The following DNAH17 variants were observed in gnomAD, a reference collection of about 807,000 sequenced individuals.
DNAH17 encodes dynein axonemal heavy chain 17.
Under a neutral mutation model 485.6 loss-of-function variants are expected in DNAH17, and 376 were observed. That is an observed-to-expected ratio of 0.77 (90% confidence interval 0.71 to 0.84). The LOEUF (loss-of-function observed/expected upper bound fraction) is 0.84, where lower values mean the gene tolerates loss of function less well. DNAH17 is among the 40% of genes least tolerant of loss of function. The probability of loss-of-function intolerance (pLI) is 0.00; values close to 1 mark genes in which losing one functional copy is unlikely to be tolerated. For missense variants in DNAH17, 6,370 were observed against 5,839.3 expected (o/e 1.09, Z -2.96); for synonymous variants, 3,031 against 2,405.9 (o/e 1.26, Z -7.60).
Position 78,514,825 on chromosome 17 carries a change from C to G in DNAH17, c.4062G>C (p.Gln1354His), listed in dbSNP as rs1022961094. 4.5e-5 allele frequency: 72 copies of G among 1,613,942 alleles called. No individual in the cohort carries two copies. The highest frequency in any genetic ancestry group is 6.0e-5 in the Non-Finnish European group (71 of 1,179,912). Reference protein sequence around the residue: ...ITSLRAVSELQNPAIRERHWQ... With the variant: ...ITSLRAVSELHNPAIRERHWQ... ...AGTGGCGTTCCCGAATGGCAGGGTT[C>G]TGCAGCTCGCTCACGGCACGCAGGG... Residue 1354 changes from glutamine to histidine, a missense_variant, in exon 26 of 81, where the codon CAG becomes CAC. By Grantham distance (24) the Gln-to-His change is conservative. Transcript: ENST00000389840.
rs2091081933 is a variant in DNAH17, at chr17:78,526,610, T to C, written c.3711+41A>G. ...ACTTGAGAAAAGAAAGCAGTGGGGT[T>C]CCCAGACTTACCCCCTGATCTCACC... On this transcript the variant is annotated intron_variant, in intron 24 of 80. Coordinates refer to ENST00000389840, the MANE Select transcript of DNAH17 (RefSeq NM_173628.4). 4.0e-6 allele frequency: 6 copies of C among 1,506,138 alleles called. No homozygotes were observed. The South Asian group carries it at 7.4e-5, about 19-fold the overall frequency. The allele number at this position is 1,506,138 out of a possible 1,614,324, so 93.3% of individuals were successfully genotyped here.
intron 42 of DNAH17, 30 bp from the exon 43 acceptor site, chr17:78,491,600 C>T (rs1443661513): frequency 6.2e-6 from 10 of 1,607,836 alleles, no homozygotes; most frequent in Non-Finnish European, 8.5e-6. Flanking sequence ...TGACCCCGGG[C>T]CCTTCACTCC....
At chr17:78,557,277 TTAA>T (rs1277332429) in intron 14 of DNAH17, among the ~76,000 whole-genome samples, 1 of 152,154 alleles carries the variant, frequency 6.6e-6, no homozygotes, top group Non-Finnish European at 1.5e-5. Flanking sequence ...TTGAATGACT[TTAA>T]TATTATCCAA....
intron 55 of DNAH17, 33 bp from the exon 56 acceptor site, chr17:78,466,849 T>G (rs780851961): frequency 3.9e-6 from 6 of 1,526,166 alleles, no homozygotes; most frequent in Non-Finnish European, 5.3e-6. Context: ...CGCTGCCTAC[T>G]GGGACTGCAG....
At chr17:78,530,310 T>C (rs762433697) in intron 21 of DNAH17, 33 bp downstream of exon 21, 2 of 1,575,926 alleles carry the variant, frequency 1.3e-6, no homozygotes, top group Non-Finnish European at 1.7e-6. Flanking sequence ...TGCACATTCC[T>C]TGGGCTCCCC....
At position 78,530,449 on chromosome 17, in the gene DNAH17, C is replaced by T. The variant is rs749768590; in HGVS notation, c.3178G>A (p.Gly1060Ser). The change falls in exon 21 of 81, where the codon GGC (glycine) becomes AGC (serine). Residue 1060 changes from glycine (G) to serine (S), a missense_variant. Coordinates refer to ENST00000389840, the MANE Select transcript of DNAH17 (RefSeq NM_173628.4). Reference protein sequence around the residue: ...SKCENTKVFHGWLQCDCRPFK... With the variant: ...SKCENTKVFHSWLQCDCRPFK... The stretch of plus-strand genomic sequence containing the variant: ...GGGCGGCAGTCGCACTGCAGCCAGC[C>T]GTGGAACACCTTGGTGTTCTCGCAC... 157 of 1,613,526 alleles carry T rather than the reference C, an allele frequency of 9.7e-5. No individual in the cohort carries two copies. Among genetic ancestry groups the T allele is most frequent in the Non-Finnish European group, 1.2e-4 (143 of 1,179,754 alleles).
chr17:78,484,831 GGGCCACGCCTTCCCCTCC>G lies in DNAH17; in HGVS notation c.7649+19_7649+36del. 1 of 1,361,630 alleles carries G rather than the reference GGGCCACGCCTTCCCCTCC, an allele frequency of 7.3e-7. No homozygotes were observed. The highest frequency in any genetic ancestry group is 9.7e-7 in the Non-Finnish European group (1 of 1,033,586). The allele number at this position is 1,361,630 out of a possible 1,614,324, so 84.3% of individuals were successfully genotyped here. A position where few individuals can be genotyped will look rare whatever the true frequency, so the allele number is the denominator to read the frequency against. ...CCCTGGCCCCGCCCTCACCGCCCCG[GGGCCACGCCTTCCCCTCC>G]GGCCCCGCCCCGTCTAACCAGTGCC... On this transcript the variant is annotated intron_variant, in intron 48 of 80. Coordinates refer to ENST00000389840, the MANE Select transcript of DNAH17 (RefSeq NM_173628.4).
At chr17:78,510,716 A>G (rs2090611436) in intron 26 of DNAH17, 1 of 611,732 alleles carries the variant, frequency 1.6e-6, no homozygotes, top group Non-Finnish European at 2.8e-6. Context: ...AAAACCGCAT[A>G]AGAGCAGAAC....
chr17:78,514,092 C>T (rs557228869), intron 26 of DNAH17, among the ~76,000 whole-genome samples: 7 of 152,144 alleles, frequency 4.6e-5, no homozygotes, highest in Non-Finnish European at 7.3e-5. Flanking sequence ...AGGACCCTAG[C>T]GAAGCTGTTC....
At chr17:78,442,366 G>A (rs1208357464) in intron 71 of DNAH17, among the ~76,000 whole-genome samples, 1 of 152,234 alleles carries the variant, frequency 6.6e-6, no homozygotes, top group East Asian at 1.9e-4. Flanking sequence ...ACTGGCCTTT[G>A]CTGGCTTGTC....
chr17:78,536,282 A>ATG lies in DNAH17; in HGVS notation c.2859+1016_2859+1017insCA, dbSNP rs1435621199. On this transcript the variant is annotated intron_variant, in intron 19 of 80. Coordinates refer to ENST00000389840, the MANE Select transcript of DNAH17 (RefSeq NM_173628.4). The stretch of plus-strand genomic sequence containing the variant: ...GTGAAACCCCGTCTCTACTAAAAAT[A>ATG]TATAAAAAAAAAGAAAAATTAGCCA... Among the ~76,000 whole-genome samples, 55 of 149,678 alleles carry ATG rather than the reference A, an allele frequency of 3.7e-4. 1 individual carries two copies. Among genetic ancestry groups the ATG allele is most frequent in the African/African-American group, 1.4e-3 (54 of 39,292 alleles).
chr17:78,448,473 A>G (rs1295614701), intron 69 of DNAH17, among the ~76,000 whole-genome samples: 1 of 152,206 alleles, frequency 6.6e-6, no homozygotes, highest in Admixed American at 6.5e-5. Flanking sequence ...GCTACAGTGA[A>G]CTATGATTGC....
intron 49 of DNAH17, 64 bp downstream of exon 49, chr17:78,480,620 C>T (rs1002524343): frequency 7.1e-7 from 1 of 1,408,388 alleles, no homozygotes; most frequent in Non-Finnish European, 9.8e-7. Flanking sequence ...CTTTTCCTCT[C>T]ATTTGCCAGA....
In DNAH17 at chr17:78,475,682, G is replaced by A; in HGVS notation, c.8306C>T (p.Ala2769Val). 1 of 1,613,732 alleles carries A rather than the reference G, an allele frequency of 6.2e-7. No individual in the cohort carries two copies. Among genetic ancestry groups the A allele is most frequent in the South Asian group, 1.1e-5 (1 of 91,018 alleles). ...CAGCCTGCTCACCAAATTCATGACTGCATTAACTTCATTGTAGCTGTCCAG... is the reference window on the plus strand; with the variant it reads ...CAGCCTGCTCACCAAATTCATGACTACATTAACTTCATTGTAGCTGTCCAG... ...DVLDSYNEVN[A>V]VMNLVLFEDA... The change falls in exon 53 of 81, where the codon GCA (alanine) becomes GTA (valine). Residue 2769 changes from alanine (A) to valine (V), a missense_variant. By Grantham distance (64) the Ala-to-Val change is moderately conservative. Coordinates refer to ENST00000389840, the MANE Select transcript of DNAH17 (RefSeq NM_173628.4).
rs16971417 is a variant in DNAH17, at chr17:78,454,069, T to C, written c.10406+401A>G. ...CAAATGTTTTCATATCCACCCGCCA[T>C]TGGATTTTCCAGCACCGCTAGGAAG... On this transcript the variant is annotated intron_variant, in intron 64 of 80. Coordinates refer to ENST00000389840, the MANE Select transcript of DNAH17 (RefSeq NM_173628.4). Among the ~76,000 whole-genome samples the C allele has an allele frequency of 7.8e-3, 1,184 of 152,110 alleles. 16 individuals carry two copies. Among genetic ancestry groups the C allele is most frequent in the African/African-American group, 0.025 (1,046 of 41,482 alleles).
At chr17:78,466,357 A>C (rs1033488236) in intron 56 of DNAH17, among the ~76,000 whole-genome samples, 1 of 152,204 alleles carries the variant, frequency 6.6e-6, no homozygotes, top group African/African-American at 2.4e-5. Context: ...TCACTTGTTT[A>C]TCTGCTGACC....
chr17:78,506,608 G>T, intron 30 of DNAH17, 112 bp downstream of exon 30: 1 of 1,481,116 alleles, frequency 6.8e-7, no homozygotes, highest in East Asian at 2.3e-5. Flanking sequence ...TGGAGATGAT[G>T]GGGCACGTCC....
At chr17:78,570,876 A>AG in intron 6 of DNAH17, 72 bp downstream of exon 6, 2 of 803,162 alleles carry the variant, frequency 2.5e-6, no homozygotes, top group Non-Finnish European at 1.8e-6. Flanking sequence ...AAAAAAAAAA[A>AG]AAGAAAAAAG....
rs573064254 is a variant in DNAH17 at position 78,564,515 on chromosome 17, A to T, written c.1569+2099T>A. 3.9e-5 allele frequency among the ~76,000 whole-genome samples: 6 copies of T among 151,936 alleles called. No homozygotes were observed. In the East Asian group the frequency reaches 9.7e-4, roughly 24 times the overall value. ...CCCCATCTTTAATTTTGGAGACCCA[A>T]AAGTGAGGTTTCCAAATGAAAGAAT... On this transcript the variant is annotated intron_variant, in intron 11 of 80. Transcript: ENST00000389840.
Sources: allele counts gnomAD v4.1 joint callset (sites outside exome capture counted in the v4.1 genomes callset), GRCh38; gene constraint gnomAD v4.1.1; transcripts MANE v1.5; gene names NCBI Gene and HGNC (gene_info 2026-07-23, HGNC 2026-07-21).